The following FHIT variants were observed in gnomAD, a reference collection of about 807,000 sequenced individuals.
FHIT encodes fragile histidine triad diadenosine triphosphatase, also known as bis(5'-adenosyl)-triphosphatase.
In FHIT, 19 loss-of-function variants were observed where a neutral mutation model predicts 17.9. The ratio of observed to expected loss-of-function variants is 1.06; its 90% confidence interval spans 0.74 to 1.56. FHIT has a LOEUF of 1.56. Among genes scored for constraint, FHIT ranks in the 40% most tolerant of loss-of-function variants. The pLI is 0.00. For missense variants in FHIT, 248 were observed against 189.2 expected (o/e 1.31, Z -1.82); for synonymous variants, 81 against 69.7 (o/e 1.16, Z -0.81).
At chr3:60,180,153 C>T (rs1701862923) in intron 5 of FHIT, among the ~76,000 whole-genome samples, 1 of 152,152 alleles carries the variant, frequency 6.6e-6, no homozygotes, top group Non-Finnish European at 1.5e-5. Context: ...ACAAAAAGCA[C>T]ACAAGCTCGT....
intron 8 of FHIT, among the ~76,000 whole-genome samples, chr3:59,891,176 T>G (rs749777302): frequency 6.6e-6 from 1 of 152,180 alleles, no homozygotes; most frequent in African/African-American, 2.4e-5. Flanking sequence ...AGTTGATCAA[T>G]CCTTCCAGTT....
At chr3:60,536,046 T>G (rs1025281293) in intron 5 of FHIT, 4 of 152,188 alleles carry the variant, frequency 2.6e-5, no homozygotes, top group Non-Finnish European at 5.9e-5. Context: ...GCCTTCTGCA[T>G]GGCAAACTAA....
At chr3:60,811,105 G>A (rs782803321) in intron 4 of FHIT, among the ~76,000 whole-genome samples, 12 of 152,174 alleles carry the variant, frequency 7.9e-5, no homozygotes, top group East Asian at 1.9e-4. Flanking sequence ...AAAGTCTTTC[G>A]CACAGTTACT....
At chr3:60,952,790 C>G (rs1708949173) in intron 3 of FHIT, among the ~76,000 whole-genome samples, 1 of 152,180 alleles carries the variant, frequency 6.6e-6, no homozygotes. Context: ...ACAAACAGAT[C>G]TTGTTAAAAT....
At chr3:60,040,459 A>G (rs941174487) in intron 5 of FHIT, among the ~76,000 whole-genome samples, 11 of 151,858 alleles carry the variant, frequency 7.2e-5, no homozygotes, top group African/African-American at 2.4e-4. Context: ...TTCTTTCTTG[A>G]CCTTCCTTTC....
intron 3 of FHIT, among the ~76,000 whole-genome samples, chr3:60,914,513 C>CAA (rs782603421): frequency 1.7e-5 from 2 of 115,474 alleles, no homozygotes; most frequent in Non-Finnish European, 3.7e-5. Context: ...GTAAGGTTTT[C>CAA]AAAAAAAAAA....
At chr3:61,090,173 C>CT (rs2035436344) in intron 2 of FHIT, among the ~76,000 whole-genome samples, 1 of 152,084 alleles carries the variant, frequency 6.6e-6, no homozygotes, top group African/African-American at 2.4e-5. Flanking sequence ...CATTCATGCC[C>CT]TTTTTTGGGG....
chr3:59,991,733 A>G (rs1428783381), intron 7 of FHIT, among the ~76,000 whole-genome samples: 1 of 152,010 alleles, frequency 6.6e-6, no homozygotes, highest in Non-Finnish European at 1.5e-5. Flanking sequence ...ACTGCTCAAC[A>G]GTCGTTGTCT....
intron 3 of FHIT, among the ~76,000 whole-genome samples, chr3:60,933,031 T>C (rs1433105343): frequency 6.6e-6 from 1 of 152,216 alleles, no homozygotes; most frequent in Non-Finnish European, 1.5e-5. Flanking sequence ...TAAAAAATGG[T>C]AGTTATCTAA....
At position 59,916,318 on chromosome 3, in the gene FHIT, G is replaced by C. The variant is rs189644514; in HGVS notation, c.348+6028C>G. Among the ~76,000 whole-genome samples, 292 of 152,116 alleles carry C rather than the reference G, an allele frequency of 1.9e-3. 3 individuals are homozygous for C. Among genetic ancestry groups the C allele is most frequent in the Admixed American group, 2.4e-3 (36 of 15,284 alleles). Reference sequence around the variant, plus strand: ...TACCAGTGGTTTGCCAGGGGCTCTCGGGCCTTCAGCAACAGACTGAAGGCT... The same window carrying C: ...TACCAGTGGTTTGCCAGGGGCTCTCCGGCCTTCAGCAACAGACTGAAGGCT... On this transcript the variant is annotated intron_variant, in intron 8 of 9. Transcript: ENST00000492590.
intron 7 of FHIT, among the ~76,000 whole-genome samples, chr3:59,941,091 G>A (rs1706493389): frequency 1.3e-5 from 2 of 152,288 alleles, no homozygotes; most frequent in South Asian, 4.1e-4. Context: ...GGAGAGACAG[G>A]AAGTATCTCT....
At chr3:59,911,790 G>C (rs1463005047) in intron 8 of FHIT, among the ~76,000 whole-genome samples, 1 of 152,202 alleles carries the variant, frequency 6.6e-6, no homozygotes, top group Non-Finnish European at 1.5e-5. Context: ...ATAAAGGAAA[G>C]CCACGGACCT....
chr3:61,164,354 C>A (rs1311964694), intron 2 of FHIT, among the ~76,000 whole-genome samples: 1 of 152,186 alleles, frequency 6.6e-6, no homozygotes, highest in Non-Finnish European at 1.5e-5. Flanking sequence ...CTTGGAAACT[C>A]TCAGGCCTCA....
At chr3:60,197,263 T>C (rs745456427) in intron 5 of FHIT, among the ~76,000 whole-genome samples, 11 of 152,100 alleles carry the variant, frequency 7.2e-5, no homozygotes, top group African/African-American at 2.7e-4. Flanking sequence ...CAAACTGAGA[T>C]GTGCTATAAG....
chr3:60,979,375 C>T (rs1312067075), intron 3 of FHIT, among the ~76,000 whole-genome samples: 1 of 152,236 alleles, frequency 6.6e-6, no homozygotes, highest in Non-Finnish European at 1.5e-5. Context: ...TGCCAGCCTT[C>T]TCCAACCTTC....
chr3:60,732,849 G>C (rs1281197978), intron 4 of FHIT, among the ~76,000 whole-genome samples: 5 of 151,904 alleles, frequency 3.3e-5, no homozygotes, highest in Non-Finnish European at 5.9e-5. Context: ...ACCACACCTG[G>C]CTAATTTCTT....
At chr3:60,728,397 C>CTT (rs1553710169) in intron 4 of FHIT, among the ~76,000 whole-genome samples, 1 of 152,118 alleles carries the variant, frequency 6.6e-6, no homozygotes, top group East Asian at 1.9e-4. Flanking sequence ...AATACCCACC[C>CTT]TTTCAGACAG....
intron 9 of FHIT, chr3:59,751,223 T>C (rs1390244773): frequency 3.7e-5 from 4 of 108,284 alleles, no homozygotes; most frequent in Non-Finnish European, 7.3e-5. Context: ...TTCAGAGAGA[T>C]AGATACATTT....
chr3:60,633,354 A>G (rs1344424280), intron 4 of FHIT, among the ~76,000 whole-genome samples: 1 of 152,164 alleles, frequency 6.6e-6, no homozygotes, highest in African/African-American at 2.4e-5. Flanking sequence ...CTACTGCAAA[A>G]GCTAAATCAA....
Sources: allele counts gnomAD v4.1 joint callset (sites outside exome capture counted in the v4.1 genomes callset), GRCh38; gene constraint gnomAD v4.1.1; transcripts MANE v1.5; gene names NCBI Gene and HGNC (gene_info 2026-07-23, HGNC 2026-07-21).